SLC7A2: variants seen among roughly 807,000 people sequenced by gnomAD.
SLC7A2 encodes cationic amino acid transporter 2.
In SLC7A2, 48 loss-of-function variants were observed where a neutral mutation model predicts 58.9. That is an observed-to-expected ratio of 0.82 (90% CI 0.65 to 1.04). The LOEUF is 1.04. Ranked by LOEUF, SLC7A2 falls within the 50% of genes least tolerant of loss-of-function variation. The pLI is 0.00. For synonymous variants in SLC7A2, 363 were observed against 314.5 expected, an observed-to-expected ratio of 1.15 and a Z score of -1.63; for missense variants, 1,029 against 818.8, an observed-to-expected ratio of 1.26 and a Z score of -3.13.
chr8:17,508,096 T>TTA (rs1367327515), intron 2 of SLC7A2, among the ~76,000 whole-genome samples: 4 of 148,748 alleles, frequency 2.7e-5, no homozygotes, highest in African/African-American at 7.5e-5. Flanking sequence ...TCTTTTTTTT[T>TTA]AAAAAAAAAA....
chr8:17,551,875 C>CT lies in SLC7A2; in HGVS notation c.944_945insT (p.Tyr316ValfsTer6). 6.2e-7 allele frequency: 1 copy of CT among 1,613,736 alleles called. No homozygotes were observed. The highest frequency in any genetic ancestry group is 8.5e-7 in the Non-Finnish European group (1 of 1,179,912). ...TCTGCAGCTTTAACACTTATGATGCCGTACTACCTCCTCGATGAAAAAAGC... is the reference window on the plus strand; with the variant it reads ...TCTGCAGCTTTAACACTTATGATGCCTGTACTACCTCCTCGATGAAAAAAGC... On this transcript the variant is annotated frameshift_variant, in exon 7 of 13. Transcript: ENST00000494857. LOFTEE classifies it high-confidence loss of function.
At chr8:17,561,535 C>G (rs947261582) in intron 10 of SLC7A2, among the ~76,000 whole-genome samples, 9 of 152,148 alleles carry the variant, frequency 5.9e-5, no homozygotes, top group Non-Finnish European at 1.3e-4. Context: ...GGTGGGGACA[C>G]AGCCAACTCA....
At chr8:17,514,272 A>T (rs1800715295) in intron 2 of SLC7A2, among the ~76,000 whole-genome samples, 2 of 152,276 alleles carry the variant, frequency 1.3e-5, no homozygotes, top group East Asian at 1.9e-4. Context: ...TTAAAAAAAA[A>T]ATACAGTGTG....
At position 17,569,548 on chromosome 8, in the gene SLC7A2, T is replaced by G. The variant is rs1803419895; in HGVS notation, c.*4402T>G. On this transcript the variant is annotated 3_prime_UTR_variant, in exon 13 of 13. Transcript: ENST00000494857. The stretch of plus-strand genomic sequence containing the variant: ...ATGAAATTGCTTGACTTTATTGTTT[T>G]GGGGAGATTTTTTTTCCTTACATGA... 6.6e-6 allele frequency: 1 copy of G among 152,182 alleles called. No homozygotes were observed. The highest frequency in any genetic ancestry group is 1.5e-5 in the Non-Finnish European group (1 of 68,024). 9.4% of individuals were successfully genotyped at this position (152,182 alleles called of 1,614,324 possible).
At chr8:17,531,663 C>G (rs1190945798) in intron 2 of SLC7A2, among the ~76,000 whole-genome samples, 1 of 151,846 alleles carries the variant, frequency 6.6e-6, no homozygotes, top group African/African-American at 2.4e-5. Context: ...AATTAAAAAT[C>G]AAAATGCATG....
chr8:17,552,303 A>G (rs927736131), intron 7 of SLC7A2, among the ~76,000 whole-genome samples: 2 of 152,170 alleles, frequency 1.3e-5, no homozygotes, highest in Non-Finnish European at 2.9e-5. Context: ...TATAGGCATT[A>G]TGAAACTTCA....
chr8:17,496,295 C>T (rs1036001525), upstream of SLC7A2, among the ~76,000 whole-genome samples: 1 of 152,122 alleles, frequency 6.6e-6, no homozygotes, highest in East Asian at 1.9e-4. Context: ...GCCCTCCAGC[C>T]TGGGCGACAG....
chr8:17,514,368 A>G (rs1314798268), intron 2 of SLC7A2, among the ~76,000 whole-genome samples: 1 of 152,156 alleles, frequency 6.6e-6, no homozygotes, highest in African/African-American at 2.4e-5. Context: ...TGTGGGAAGA[A>G]TAGAAGTAGA....
At chr8:17,509,687 A>G (rs150182522) in intron 2 of SLC7A2, among the ~76,000 whole-genome samples, 19 of 152,264 alleles carry the variant, frequency 1.2e-4, no homozygotes, top group African/African-American at 4.1e-4. Flanking sequence ...CCTCCAACAA[A>G]GTGATGTATG....
intron 2 of SLC7A2, among the ~76,000 whole-genome samples, chr8:17,508,796 C>T (rs974409093): frequency 1.3e-5 from 2 of 152,120 alleles, no homozygotes; most frequent in African/African-American, 4.8e-5. Flanking sequence ...TGATTTATCT[C>T]ACCGAACCAC....
At chr8:17,543,121 T>G (rs552483950) in intron 2 of SLC7A2, among the ~76,000 whole-genome samples, 197 bp from the exon 3 acceptor site, 2 of 152,080 alleles carry the variant, frequency 1.3e-5, no homozygotes, top group South Asian at 4.1e-4. Context: ...CTACAGGAAA[T>G]TCGAGGCTCT....
intron 2 of SLC7A2, among the ~76,000 whole-genome samples, chr8:17,503,629 A>G (rs1251396530): frequency 6.6e-6 from 1 of 152,172 alleles, no homozygotes; most frequent in Non-Finnish European, 1.5e-5. Context: ...CATAGTTCGC[A>G]GAATATTTGC....
intron 2 of SLC7A2, among the ~76,000 whole-genome samples, chr8:17,531,963 C>T (rs1488345104): frequency 6.6e-6 from 1 of 151,948 alleles, no homozygotes; most frequent in African/African-American, 2.4e-5. Flanking sequence ...CACGGTGGCT[C>T]ATGCCTATAA....
At chr8:17,503,131 A>G (rs901967034) in intron 2 of SLC7A2, among the ~76,000 whole-genome samples, 4 of 151,778 alleles carry the variant, frequency 2.6e-5, no homozygotes, top group African/African-American at 9.7e-5. Context: ...GCTCGCTGCA[A>G]GCTCCGCCTC....
intron 8 of SLC7A2, 72 bp from the exon 9 acceptor site, chr8:17,558,223 C>A: frequency 1.0e-6 from 1 of 954,230 alleles, no homozygotes; most frequent in Non-Finnish European, 1.7e-6. Context: ...ATGTCCCTGA[C>A]TTGAACGTTA....
chr8:17,554,916 A>G, intron 8 of SLC7A2: 1 of 1,610,884 alleles, frequency 6.2e-7, no homozygotes. Context: ...AAAATAACTC[A>G]TGTGTGGATT....
chr8:17,550,102 G>T (rs1208124664), intron 5 of SLC7A2, among the ~76,000 whole-genome samples, 199 bp from the exon 6 acceptor site: 1 of 152,194 alleles, frequency 6.6e-6, no homozygotes, highest in East Asian at 1.9e-4. Context: ...TTGGGTGTCA[G>T]TGACACAGGA....
In SLC7A2 at chr8:17,543,329, C is replaced by T. The variant is rs762638165; in HGVS notation, c.-11C>T. On this transcript the variant is annotated 5_prime_UTR_variant, in exon 3 of 13. Coordinates refer to ENST00000494857, the MANE Select transcript of SLC7A2 (RefSeq NM_001370338.1). ...TCCCTTCTGCTCAGGTCGCCTTCGTCAGACGTCAGAATGATTCCTTGCAGA... is the reference window on the plus strand; with the variant it reads ...TCCCTTCTGCTCAGGTCGCCTTCGTTAGACGTCAGAATGATTCCTTGCAGA... 4.5e-5 allele frequency: 72 copies of T among 1,604,026 alleles called. No homozygotes were observed. The highest frequency in any genetic ancestry group is 5.9e-5 in the Non-Finnish European group (69 of 1,175,238).
chr8:17,522,923 T>C (rs1050917476), intron 2 of SLC7A2, among the ~76,000 whole-genome samples: 1 of 151,996 alleles, frequency 6.6e-6, no homozygotes, highest in African/African-American at 2.4e-5. Flanking sequence ...GTATCCCAGC[T>C]ACTTGGGAGG....
Sources: allele counts gnomAD v4.1 joint callset (sites outside exome capture counted in the v4.1 genomes callset), GRCh38; gene constraint gnomAD v4.1.1; transcripts MANE v1.5; gene names NCBI Gene and HGNC (gene_info 2026-07-23, HGNC 2026-07-21).